Variants in ARB2A observed in about 807,000 individuals in gnomAD.
The protein encoded by ARB2A is ARB2 cotranscriptional regulator A, also known as cotranscriptional regulator ARB2A.
the ARB2A span, among the ~76,000 whole-genome samples, chr5:93,920,846 C>T: frequency 6.6e-6 from 1 of 152,036 alleles, no homozygotes; most frequent in East Asian, 1.9e-4. Flanking sequence ...GTGAATGTCC[C>T]CTTAAAATGT....
At chr5:93,636,608 T>C in the ARB2A span, among the ~76,000 whole-genome samples, 1 of 152,202 alleles carries the variant, frequency 6.6e-6, no homozygotes, top group Non-Finnish European at 1.5e-5. Flanking sequence ...TTCAGAACTG[T>C]AGGAAATAAA....
chr5:93,852,368 G>C, the ARB2A span, among the ~76,000 whole-genome samples: 1 of 152,120 alleles, frequency 6.6e-6, no homozygotes, highest in Non-Finnish European at 1.5e-5. Flanking sequence ...TTTGTCAGAT[G>C]AGTAGATTGC....
the ARB2A span, among the ~76,000 whole-genome samples, chr5:93,785,447 T>C: frequency 1.3e-5 from 2 of 152,200 alleles, no homozygotes; most frequent in Non-Finnish European, 2.9e-5. Flanking sequence ...TTAATTTCTA[T>C]GAATTGTCTA....
the ARB2A span, among the ~76,000 whole-genome samples, chr5:93,997,515 A>G: frequency 6.6e-6 from 1 of 152,032 alleles, no homozygotes; most frequent in Non-Finnish European, 1.5e-5. Flanking sequence ...TAGTCTACAT[A>G]CTTCTTAGCA....
chr5:94,110,664 C>T, the ARB2A span, among the ~76,000 whole-genome samples: 1 of 152,190 alleles, frequency 6.6e-6, no homozygotes, highest in African/African-American at 2.4e-5. Flanking sequence ...AAAGAATACA[C>T]CTTATCAATG....
chr5:93,706,483 A>G, the ARB2A span, among the ~76,000 whole-genome samples: 1 of 152,338 alleles, frequency 6.6e-6, no homozygotes, highest in Non-Finnish European at 1.5e-5. Flanking sequence ...GGTGATGGCT[A>G]CAACACTGCG....
At chr5:93,796,591 G>C in the ARB2A span, among the ~76,000 whole-genome samples, 28 of 152,208 alleles carry the variant, frequency 1.8e-4, no homozygotes, top group African/African-American at 6.3e-4. Flanking sequence ...TCTCCAGATG[G>C]CTCTTCTACC....
the ARB2A span, among the ~76,000 whole-genome samples, chr5:94,003,234 C>T: frequency 6.6e-6 from 1 of 152,046 alleles, no homozygotes; most frequent in Non-Finnish European, 1.5e-5. Context: ...CAACAAAAAA[C>T]CTATAGCTAA....
the ARB2A span, among the ~76,000 whole-genome samples, chr5:93,708,292 A>G: frequency 3.3e-5 from 5 of 152,216 alleles, no homozygotes; most frequent in African/African-American, 1.2e-4. Context: ...TCCTCACTAT[A>G]CTATAAGCTC....
At chr5:93,667,307 T>C in the ARB2A span, among the ~76,000 whole-genome samples, 1 of 152,036 alleles carries the variant, frequency 6.6e-6, no homozygotes. Flanking sequence ...GTTGTAGAAG[T>C]CAAAATTTGC....
chr5:93,838,817 G>A, the ARB2A span, among the ~76,000 whole-genome samples: 1 of 152,098 alleles, frequency 6.6e-6, no homozygotes, highest in Non-Finnish European at 1.5e-5. Context: ...TTGTGAATAG[G>A]ACTGTGTTCC....
At chr5:94,007,880 C>G in the ARB2A span, among the ~76,000 whole-genome samples, 2 of 152,102 alleles carry the variant, frequency 1.3e-5, no homozygotes, top group African/African-American at 4.8e-5. Context: ...TACCCCCCTG[C>G]AACTGTGTTG....
chr5:93,948,145 C>T, the ARB2A span, among the ~76,000 whole-genome samples: 1 of 152,132 alleles, frequency 6.6e-6, no homozygotes, highest in Non-Finnish European at 1.5e-5. Flanking sequence ...TAAAAGTGTT[C>T]CTATTTCTCC....
At chr5:93,724,971 G>A in the ARB2A span, among the ~76,000 whole-genome samples, 1 of 152,026 alleles carries the variant, frequency 6.6e-6, no homozygotes. Context: ...CTAATGGGAG[G>A]TTGGCATATA....
the ARB2A span, among the ~76,000 whole-genome samples, chr5:93,848,381 A>C: frequency 2.7e-5 from 4 of 149,796 alleles, no homozygotes; most frequent in Non-Finnish European, 5.9e-5. Context: ...GACTCTGTCT[A>C]AAGATTAAAA....
At chr5:93,701,179 A>G in the ARB2A span, among the ~76,000 whole-genome samples, 1 of 152,152 alleles carries the variant, frequency 6.6e-6, no homozygotes, top group African/African-American at 2.4e-5. Flanking sequence ...CACTTTCATT[A>G]TTGTTCATAG....
the ARB2A span, among the ~76,000 whole-genome samples, chr5:93,842,617 T>G: frequency 3.3e-5 from 5 of 152,254 alleles, no homozygotes; most frequent in African/African-American, 7.2e-5. Flanking sequence ...GTAACTAATT[T>G]AGCACATCTG....
the ARB2A span, among the ~76,000 whole-genome samples, chr5:93,792,776 A>C: frequency 2.6e-5 from 4 of 151,756 alleles, no homozygotes; most frequent in Non-Finnish European, 5.9e-5. Context: ...GGTGCAGCAC[A>C]CCAGCATGGC....
chr5:93,776,259 G>C, the ARB2A span: 1 of 1,585,536 alleles, frequency 6.3e-7, no homozygotes, highest in Non-Finnish European at 8.6e-7. Flanking sequence ...ATGTAATAGA[G>C]ACAATATTGT....
Sources: allele counts gnomAD v4.1 joint callset (sites outside exome capture counted in the v4.1 genomes callset), GRCh38; gene constraint gnomAD v4.1.1; transcripts MANE v1.5; gene names NCBI Gene and HGNC (gene_info 2026-07-23, HGNC 2026-07-21).